Variants in CTNNA3 observed in about 807,000 individuals in gnomAD.
CTNNA3 encodes the protein catenin alpha-3.
CTNNA3 carries 76 observed loss-of-function variants against 95.7 expected under a neutral mutation model. The ratio of observed to expected loss-of-function variants is 0.79; its 90% CI spans 0.66 to 0.96. CTNNA3 has a LOEUF of 0.96. Ranked by LOEUF, CTNNA3 falls within the 40% of genes least tolerant of loss-of-function variation. The pLI, the probability that CTNNA3 is intolerant of heterozygous loss-of-function variation, is 0.00. For missense variants in CTNNA3, 1,191 were observed against 1,089.8 expected, an observed-to-expected ratio of 1.09 and a Z score of -1.31; for synonymous variants, 431 against 374.4, an observed-to-expected ratio of 1.15 and a Z score of -1.74.
At chr10:67,339,872 A>C (rs1362025828) in intron 5 of CTNNA3, among the ~76,000 whole-genome samples, 4 of 152,180 alleles carry the variant, frequency 2.6e-5, no homozygotes, top group Non-Finnish European at 5.9e-5. Context: ...AGAACTGTTC[A>C]GTTGGAATAT....
intron 7 of CTNNA3, among the ~76,000 whole-genome samples, chr10:67,094,783 A>G (rs1203781226): frequency 6.6e-6 from 1 of 151,758 alleles, no homozygotes; most frequent in African/African-American, 2.4e-5. Flanking sequence ...AATTCAACAA[A>G]GACTTACCTG....
intron 5 of CTNNA3, among the ~76,000 whole-genome samples, chr10:67,447,214 T>C (rs1194687739): frequency 2.0e-5 from 3 of 152,244 alleles, no homozygotes; most frequent in Non-Finnish European, 4.4e-5. Context: ...GCGTAAGCTA[T>C]ATGTGGCAAG....
At chr10:66,511,303 GT>G (rs1279344315) in intron 11 of CTNNA3, among the ~76,000 whole-genome samples, 4 of 151,292 alleles carry the variant, frequency 2.6e-5, no homozygotes, top group African/African-American at 9.7e-5. Flanking sequence ...TGTTGATTTG[GT>G]TTACTTTTCA....
chr10:67,388,891 A>G (rs1327726461), intron 5 of CTNNA3, among the ~76,000 whole-genome samples: 3 of 152,248 alleles, frequency 2.0e-5, no homozygotes, highest in African/African-American at 4.8e-5. Context: ...GGCCGGCCTT[A>G]CAAGAGCTCC....
intron 7 of CTNNA3, among the ~76,000 whole-genome samples, chr10:66,913,238 CAAAAAAAAAAAAA>C (rs1161880781): frequency 3.0e-5 from 1 of 33,532 alleles, no homozygotes; most frequent in African/African-American, 1.2e-4. Flanking sequence ...GACTCCGTCT[CAAAAAAAAAAAAA>C]AAAAAAAAAA....
At chr10:66,277,585 A>C (rs1189781662) in intron 13 of CTNNA3, among the ~76,000 whole-genome samples, 2 of 152,148 alleles carry the variant, frequency 1.3e-5, no homozygotes, top group African/African-American at 4.8e-5. Context: ...ACTTGCACCT[A>C]AGTGAGAATT....
intron 5 of CTNNA3, among the ~76,000 whole-genome samples, chr10:67,360,948 A>G (rs1236065549): frequency 6.6e-6 from 1 of 152,118 alleles, no homozygotes; most frequent in Non-Finnish European, 1.5e-5. Flanking sequence ...ATAAATGGAA[A>G]ACAAAAAAGA....
chr10:66,487,158 C>T (rs1406755780), intron 11 of CTNNA3, among the ~76,000 whole-genome samples: 3 of 94,110 alleles, frequency 3.2e-5, no homozygotes, highest in Admixed American at 1.1e-4. Context: ...CTGTTGTTTA[C>T]TTGAAATTTA....
At chr10:67,576,542 CTTTATTTTAT>C (rs962735290) in intron 3 of CTNNA3, among the ~76,000 whole-genome samples, 1 of 145,996 alleles carries the variant, frequency 6.8e-6, no homozygotes, top group African/African-American at 2.8e-5. Flanking sequence ...CAGATAGTTT[CTTTATTTTAT>C]TTTATTTTAT....
chr10:66,233,963 A>T (rs1253141334), intron 13 of CTNNA3, among the ~76,000 whole-genome samples: 2 of 152,230 alleles, frequency 1.3e-5, no homozygotes, highest in African/African-American at 4.8e-5. Flanking sequence ...GAATTTCACA[A>T]ACTATTTTGA....
chr10:66,879,712 G>A (rs928796174), intron 7 of CTNNA3, among the ~76,000 whole-genome samples: 7 of 152,026 alleles, frequency 4.6e-5, no homozygotes, highest in Admixed American at 3.3e-4. Context: ...AATTATCTTG[G>A]ACTCTTGTAC....
intron 13 of CTNNA3, among the ~76,000 whole-genome samples, chr10:66,142,576 G>C (rs1051106402): frequency 2.6e-5 from 4 of 152,020 alleles, no homozygotes; most frequent in Admixed American, 1.3e-4. Flanking sequence ...TGAATGTGTA[G>C]ATCAAGTTGG....
intron 12 of CTNNA3, among the ~76,000 whole-genome samples, chr10:66,302,324 C>A (rs551602379): frequency 7.2e-5 from 11 of 152,044 alleles, no homozygotes; most frequent in Admixed American, 5.9e-4. Flanking sequence ...TACTAATTGA[C>A]CCTAAACTTA....
intron 5 of CTNNA3, among the ~76,000 whole-genome samples, chr10:67,410,064 T>C (rs1845306784): frequency 6.6e-6 from 1 of 152,182 alleles, no homozygotes; most frequent in Non-Finnish European, 1.5e-5. Context: ...CACATATGTT[T>C]ACTGCAGCAC....
chr10:66,022,577 T>A (rs1158034811), intron 15 of CTNNA3, among the ~76,000 whole-genome samples: 1 of 151,444 alleles, frequency 6.6e-6, no homozygotes, highest in African/African-American at 2.4e-5. Flanking sequence ...ACCAGTAGCA[T>A]GACACCCAGG....
intron 13 of CTNNA3, among the ~76,000 whole-genome samples, chr10:66,150,401 A>G (rs1052222843): frequency 2.0e-5 from 3 of 152,138 alleles, no homozygotes; most frequent in Non-Finnish European, 4.4e-5. Context: ...GTATGTCTTT[A>G]TCAGCAGTGT....
intron 7 of CTNNA3, among the ~76,000 whole-genome samples, chr10:66,871,628 C>T (rs867484219): frequency 7.0e-6 from 1 of 143,370 alleles, no homozygotes; most frequent in South Asian, 2.2e-4. Context: ...TACATATGGA[C>T]AAAGAATTCC....
chr10:66,070,571 T>C (rs935038394), intron 14 of CTNNA3, among the ~76,000 whole-genome samples: 2 of 152,156 alleles, frequency 1.3e-5, no homozygotes, highest in African/African-American at 4.8e-5. Flanking sequence ...GTGCTGAATA[T>C]ACACTGGTAT....
intron 11 of CTNNA3, among the ~76,000 whole-genome samples, chr10:66,391,845 T>G (rs1278162139): frequency 6.6e-6 from 1 of 152,006 alleles, no homozygotes; most frequent in East Asian, 1.9e-4. Flanking sequence ...TTTATAAAAT[T>G]ATCCATAGAC....
Sources: allele counts gnomAD v4.1 joint callset (sites outside exome capture counted in the v4.1 genomes callset), GRCh38; gene constraint gnomAD v4.1.1; transcripts MANE v1.5; gene names NCBI Gene and HGNC (gene_info 2026-07-23, HGNC 2026-07-21).